The following ACTR3B variants were observed in gnomAD, a reference collection of about 807,000 sequenced individuals.
The protein encoded by ACTR3B is actin-related protein 3B.
In ACTR3B, 8 loss-of-function variants were observed where a neutral mutation model predicts 59.0. That is an observed-to-expected ratio of 0.14 (90% CI 0.08 to 0.24). The LOEUF (loss-of-function observed/expected upper bound fraction) is 0.24. Ranked by LOEUF, ACTR3B falls within the 10% of genes least tolerant of loss-of-function variation. ACTR3B has a pLI of 1.00. For synonymous variants in ACTR3B, 148 were observed against 197.9 expected (o/e 0.75, Z 2.12); for missense variants, 245 against 552.3 (o/e 0.44, Z 5.58).
chr7:152,795,496 CTGTT>C (rs1173696428), intron 2 of ACTR3B, among the ~76,000 whole-genome samples: 6 of 152,340 alleles, frequency 3.9e-5, no homozygotes, highest in East Asian at 3.9e-4. Context: ...TAATAGCTCT[CTGTT>C]TGAGAAAATT....
At chr7:152,826,803 GGAGCCCCTTATTTAGTAGATA>G (rs1345447819) in intron 9 of ACTR3B, among the ~76,000 whole-genome samples, 1 of 148,790 alleles carries the variant, frequency 6.7e-6, no homozygotes, top group Non-Finnish European at 1.5e-5. Flanking sequence ...CCATGTAGAT[GGAGCCCCTTATTTAGTAGATA>G]ATGACACTGA....
At chr7:152,769,054 T>C (rs978453493) in intron 1 of ACTR3B, among the ~76,000 whole-genome samples, 4 of 151,920 alleles carry the variant, frequency 2.6e-5, no homozygotes, top group Admixed American at 1.3e-4. Context: ...GGTTTCTCCA[T>C]GTTGGCTAGG....
intron 6 of ACTR3B, among the ~76,000 whole-genome samples, chr7:152,817,253 G>A (rs1358492604): frequency 1.3e-5 from 2 of 152,044 alleles, no homozygotes; most frequent in South Asian, 2.1e-4. Flanking sequence ...GTGTGGTGGC[G>A]CATGCCTGTC....
chr7:152,791,276 G>C (rs2098195265), intron 2 of ACTR3B, among the ~76,000 whole-genome samples: 1 of 152,164 alleles, frequency 6.6e-6, no homozygotes, highest in African/African-American at 2.4e-5. Flanking sequence ...CTGTCAAAGT[G>C]ATTAGAGGCG....
intron 6 of ACTR3B, 131 bp from the exon 7 acceptor site, chr7:152,820,168 G>C: frequency 6.7e-7 from 1 of 1,492,590 alleles, no homozygotes; most frequent in Non-Finnish European, 9.0e-7. Context: ...GCAGAGGGTG[G>C]GGATTATGTA....
chr7:152,777,793 A>G (rs1452504883), intron 1 of ACTR3B, among the ~76,000 whole-genome samples: 1 of 152,086 alleles, frequency 6.6e-6, no homozygotes, highest in Non-Finnish European at 1.5e-5. Context: ...TTTACTAAAA[A>G]TACAAAAATT....
chr7:152,764,487 C>G (rs893993715), intron 1 of ACTR3B, among the ~76,000 whole-genome samples: 13 of 151,020 alleles, frequency 8.6e-5, no homozygotes, highest in Admixed American at 7.9e-4. Flanking sequence ...AAAAGAAATA[C>G]AAAAAAATTA....
chr7:152,849,800 A>G (rs1798648821), intron 9 of ACTR3B, among the ~76,000 whole-genome samples: 1 of 152,272 alleles, frequency 6.6e-6, no homozygotes, highest in Non-Finnish European at 1.5e-5. Flanking sequence ...CTGGCAGGTA[A>G]TCAGAGGTGA....
At chr7:152,788,602 G>A (rs1423305939) in intron 2 of ACTR3B, among the ~76,000 whole-genome samples, 1 of 151,968 alleles carries the variant, frequency 6.6e-6, no homozygotes, top group Admixed American at 6.5e-5. Flanking sequence ...TAGTAGGGAC[G>A]GGATTTCACT....
intron 9 of ACTR3B, among the ~76,000 whole-genome samples, chr7:152,841,622 T>TA (rs774761831): frequency 1.7e-3 from 258 of 152,348 alleles, no homozygotes; most frequent in Non-Finnish European, 2.9e-3. Flanking sequence ...CTGTTGTCCA[T>TA]AGCAACTATG....
chr7:152,786,478 A>G (rs2462104), intron 2 of ACTR3B: 23 of 168,302 alleles, frequency 1.4e-4, no homozygotes, highest in Middle Eastern at 2.9e-3. Context: ...ACTTGAACCC[A>G]GGAGGTGGAG....
intron 2 of ACTR3B, among the ~76,000 whole-genome samples, chr7:152,799,405 T>A (rs2098227527): frequency 6.6e-6 from 1 of 152,236 alleles, no homozygotes; most frequent in African/African-American, 2.4e-5. Flanking sequence ...CTTCCCTTTC[T>A]GTGAAATGCA....
chr7:152,808,499 A>G (rs1443015794), intron 4 of ACTR3B, among the ~76,000 whole-genome samples: 1 of 151,872 alleles, frequency 6.6e-6, no homozygotes, highest in Non-Finnish European at 1.5e-5. Context: ...CCCAGAGAGA[A>G]TGCAGGGAGC....
At chr7:152,794,798 C>T (rs1457536781) in intron 2 of ACTR3B, among the ~76,000 whole-genome samples, 2 of 152,138 alleles carry the variant, frequency 1.3e-5, no homozygotes, top group African/African-American at 4.8e-5. Context: ...CTCCAATGTC[C>T]TCTTCACTTC....
chr7:152,778,273 A>AT (rs1470691507), intron 1 of ACTR3B, among the ~76,000 whole-genome samples: 3 of 75,078 alleles, frequency 4.0e-5, no homozygotes, highest in South Asian at 4.0e-4. Flanking sequence ...TTTATTTTTT[A>AT]TTTTTTTTGA....
chr7:152,772,036 G>A (rs1274123242), intron 1 of ACTR3B, among the ~76,000 whole-genome samples: 1 of 152,184 alleles, frequency 6.6e-6, no homozygotes, highest in African/African-American at 2.4e-5. Context: ...TTGCACTTCA[G>A]CCTGGGCAAC....
At chr7:152,821,920 G>A (rs191430948) in intron 7 of ACTR3B, among the ~76,000 whole-genome samples, 10 of 152,340 alleles carry the variant, frequency 6.6e-5, no homozygotes, top group African/African-American at 2.2e-4. Context: ...CACCCTTGCA[G>A]CATGAATCCT....
chr7:152,785,385 GGGGA>G (rs1479355646), intron 2 of ACTR3B, among the ~76,000 whole-genome samples: 1 of 17,132 alleles, frequency 5.8e-5, no homozygotes, highest in Non-Finnish European at 1.4e-4. Context: ...GTGAGGGGGG[GGGGA>G]GGGGAGGGGG....
Position 152,759,912 on chromosome 7 carries a change from G to A in ACTR3B, c.30G>A (p.Val10=), listed in dbSNP as rs1201748076. Reference sequence around the variant, plus strand: ...CAGGCTCCCTGCCTCCCTGCGTGGTGGACTGTGGCACCGGGTAAGAGCAGC... The same window carrying A: ...CAGGCTCCCTGCCTCCCTGCGTGGTAGACTGTGGCACCGGGTAAGAGCAGC... MAGSLPPCV[V]DCGTGYTKLG... The change falls in exon 1 of 12, where the codon GTG becomes GTA. Residue 10 remains valine (V), a synonymous_variant. Coordinates refer to ENST00000256001, the MANE Select transcript of ACTR3B (RefSeq NM_020445.6). 4 of 1,395,802 alleles carry A rather than the reference G, an allele frequency of 2.9e-6. No individual in the cohort carries two copies. In the Admixed American group the frequency reaches 7.8e-5, roughly 27 times the overall value. 86.5% of individuals were successfully genotyped at this position (1,395,802 alleles called of 1,614,324 possible).
Sources: allele counts gnomAD v4.1 joint callset (sites outside exome capture counted in the v4.1 genomes callset), GRCh38; gene constraint gnomAD v4.1.1; transcripts MANE v1.5; gene names NCBI Gene and HGNC (gene_info 2026-07-23, HGNC 2026-07-21).